The following PCDHGA6 variants were observed in gnomAD, a reference collection of about 807,000 sequenced individuals.
The protein encoded by PCDHGA6 is protocadherin gamma-A6.
Under a neutral mutation model 60.6 loss-of-function variants are expected in PCDHGA6, and 41 were observed. That is an observed-to-expected ratio of 0.68 (90% CI 0.53 to 0.88). The LOEUF (loss-of-function observed/expected upper bound fraction) is 0.88. Ranked by LOEUF, PCDHGA6 falls within the 40% of genes least tolerant of loss-of-function variation. PCDHGA6 has a pLI of 0.00. For missense variants in PCDHGA6, 1,312 were observed against 1,203.0 expected (o/e 1.09, Z -1.34); for synonymous variants, 594 against 524.4 (o/e 1.13, Z -1.81).
At chr5:141,433,818 C>A (rs1286718725) in intron 1 of PCDHGA6, among the ~76,000 whole-genome samples, 7 of 133,614 alleles carry the variant, frequency 5.2e-5, no homozygotes, top group African/African-American at 5.8e-5. Flanking sequence ...GCCTGGGCAA[C>A]AAGAGTGAAA....
intron 1 of PCDHGA6, chr5:141,428,441 G>C: frequency 2.6e-6 from 1 of 389,280 alleles, no homozygotes; most frequent in Non-Finnish European, 4.9e-6. Context: ...ACTAGACCAG[G>C]GGTTTTTCCC....
At chr5:141,379,433 T>G (rs1775597873) in intron 1 of PCDHGA6, 1 of 152,256 alleles carries the variant, frequency 6.6e-6, no homozygotes. Flanking sequence ...AGATGGGCTG[T>G]TATACATATG....
chr5:141,382,427 G>T (rs1422765851), intron 1 of PCDHGA6, among the ~76,000 whole-genome samples: 1 of 152,138 alleles, frequency 6.6e-6, no homozygotes, highest in African/African-American at 2.4e-5. Context: ...GTGCCCAAAA[G>T]AGTCACTTGA....
chr5:141,446,920 C>T (rs2098520337), intron 1 of PCDHGA6, among the ~76,000 whole-genome samples: 1 of 152,108 alleles, frequency 6.6e-6, no homozygotes, highest in African/African-American at 2.4e-5. Flanking sequence ...TATTTATCTT[C>T]CTGATCTCTT....
intron 1 of PCDHGA6, among the ~76,000 whole-genome samples, chr5:141,481,820 C>T (rs2099545799): frequency 6.6e-6 from 1 of 150,726 alleles, no homozygotes; most frequent in Non-Finnish European, 1.5e-5. Context: ...GGCGTGGTGG[C>T]TGAGGCAGGA....
intron 2 of PCDHGA6, among the ~76,000 whole-genome samples, chr5:141,501,956 A>G (rs527567012): frequency 6.6e-6 from 1 of 152,136 alleles, no homozygotes; most frequent in Non-Finnish European, 1.5e-5. Context: ...GTGACAGGTC[A>G]TCCTCCTAAC....
rs755936344 is a variant in PCDHGA6, at chr5:141,490,704, C to T, written c.2425-4103C>T. ...ATCCAGACACTGGGGATAATGCCCG[C>T]CTCACCTACTCCATTGTAGGAAATC... On this transcript the variant is annotated intron_variant, in intron 1 of 3. Transcript: ENST00000517434. The surrounding 1 kb of genome is among the most constrained non-coding windows in gnomAD (Gnocchi z 5.4). 6.2e-7 allele frequency: 1 copy of T among 1,614,166 alleles called. No homozygotes were observed.
chr5:141,458,509 CTTTGT>C (rs1181745590), intron 1 of PCDHGA6, among the ~76,000 whole-genome samples: 1 of 149,986 alleles, frequency 6.7e-6, no homozygotes, highest in Non-Finnish European at 1.5e-5. Context: ...CTGTTTGACA[CTTTGT>C]TTTTTTTTTT....
At chr5:141,407,930 C>T (rs2095001418) in intron 1 of PCDHGA6, 2 of 498,880 alleles carry the variant, frequency 4.0e-6, no homozygotes, top group Non-Finnish European at 6.9e-6. Flanking sequence ...CGCACGGAGC[C>T]TCTGGGCGCC....
At chr5:141,478,920 C>A (rs559060283) in intron 1 of PCDHGA6, 1 of 728,392 alleles carries the variant, frequency 1.4e-6, no homozygotes. Context: ...ATACCTCTAA[C>A]CAGTGGCAGC....
At chr5:141,475,934 G>T in intron 1 of PCDHGA6, 1 of 665,236 alleles carries the variant, frequency 1.5e-6, no homozygotes, top group Non-Finnish European at 2.5e-6. Context: ...TCGGGCCCCT[G>T]CCCGTCCCCT....
chr5:141,438,807 G>A (rs956766683), intron 1 of PCDHGA6, among the ~76,000 whole-genome samples: 13 of 149,270 alleles, frequency 8.7e-5, no homozygotes, highest in African/African-American at 1.7e-4. Context: ...GATTACAGGC[G>A]CCTGTCACCA....
At chr5:141,404,015 C>T in intron 1 of PCDHGA6, 1 of 1,613,622 alleles carries the variant, frequency 6.2e-7, no homozygotes. Context: ...TCTGTTTAGC[C>T]CAGTGAGAGA....
At chr5:141,420,382 C>CA (rs1414569792) in intron 1 of PCDHGA6, 5 of 1,300,530 alleles carry the variant, frequency 3.8e-6, no homozygotes, top group Non-Finnish European at 5.1e-6. Flanking sequence ...ATAGAGTTCG[C>CA]AAAATATAGG....
chr5:141,484,944 AG>A (rs1354711871), intron 1 of PCDHGA6: 1 of 546,450 alleles, frequency 1.8e-6, no homozygotes, highest in Non-Finnish European at 3.3e-6. Context: ...TTCTCTGCTC[AG>A]CCTATTGGCT....
intron 1 of PCDHGA6, chr5:141,418,643 C>A (rs188546091): frequency 2.9e-5 from 46 of 1,614,022 alleles, no homozygotes; most frequent in Admixed American, 6.7e-5. Context: ...CACCTCCATC[C>A]TGAGAGTGAA....
intron 1 of PCDHGA6, chr5:141,441,396 C>T (rs2098244328): frequency 6.5e-6 from 1 of 154,724 alleles, no homozygotes; most frequent in Admixed American, 6.5e-5. Flanking sequence ...GGTATAACAT[C>T]AGCATCACTG....
At chr5:141,483,790 AGTT>A (rs963139644) in intron 1 of PCDHGA6, among the ~76,000 whole-genome samples, 14 of 152,290 alleles carry the variant, frequency 9.2e-5, no homozygotes, top group African/African-American at 3.4e-4. Flanking sequence ...TAAGAACTCC[AGTT>A]GTTGCTGCTT....
chr5:141,387,929 A>C, intron 1 of PCDHGA6: 1 of 1,235,330 alleles, frequency 8.1e-7, no homozygotes, highest in Non-Finnish European at 1.1e-6. Flanking sequence ...AGAGGCTGCC[A>C]GTGCTCTTTC....
Sources: gnomAD v4.1 joint callset for allele counts (sites outside exome capture counted in the v4.1 genomes callset) on GRCh38, gnomAD v4.1.1 for gene constraint, Gnocchi (gnomAD v3.1) non-coding constraint, MANE v1.5 for transcripts, NCBI Gene and HGNC (gene_info 2026-07-23, HGNC 2026-07-21) for gene names.